Variants in NDUFAF6 observed in about 807,000 individuals in gnomAD.
The protein encoded by NDUFAF6 is NADH:ubiquinone oxidoreductase complex assembly factor 6.
Under a neutral mutation model 40.8 loss-of-function variants are expected in NDUFAF6, and 45 were observed. That is an observed-to-expected ratio of 1.10 (90% CI 0.87 to 1.42). NDUFAF6 has a LOEUF of 1.42. NDUFAF6 is among the 40% of genes most tolerant of loss of function. The pLI is 0.00. For synonymous variants in NDUFAF6, 185 were observed against 155.9 expected (o/e 1.19, Z -1.39); for missense variants, 435 against 418.5 (o/e 1.04, Z -0.34).
chr8:94,961,014 AT>A lies in NDUFAF6; in HGVS notation c.-199+2840del, dbSNP rs1323962107. Reference sequence around the variant, plus strand: ...AACTCTAAAAGGCCAGCACATAGACATTTTTCACCTTTTATTAATTATATGC... The same window carrying A: ...AACTCTAAAAGGCCAGCACATAGACATTTTCACCTTTTATTAATTATATGC... On this transcript the variant is annotated intron_variant, in intron 1 of 9. Coordinates refer to the NDUFAF6 transcript ENST00000396111. Among the ~76,000 whole-genome samples, 3 of 152,296 alleles carry A rather than the reference AT, an allele frequency of 2.0e-5. No homozygotes were observed. In the East Asian group the frequency reaches 5.8e-4, roughly 29 times the overall value.
At chr8:95,020,293 T>TA (rs1156687567), upstream of NDUFAF6, among the ~76,000 whole-genome samples, 1 of 152,218 alleles carries the variant, frequency 6.6e-6, no homozygotes, top group Non-Finnish European at 1.5e-5. Flanking sequence ...ATAGGTTCCT[T>TA]AAAATCAGAT....
At chr8:95,100,730 A>G (rs1157292346) in intron 1 of NDUFAF6, among the ~76,000 whole-genome samples, 2 of 152,198 alleles carry the variant, frequency 1.3e-5, no homozygotes, top group Non-Finnish European at 2.9e-5. Context: ...CAAAATATCC[A>G]TTGTGTCCAT....
intron 2 of NDUFAF6, among the ~76,000 whole-genome samples, chr8:94,998,223 A>G (rs1826545242): frequency 6.6e-6 from 1 of 152,220 alleles, no homozygotes; most frequent in South Asian, 2.1e-4. Context: ...AGGAATATTT[A>G]TTAATTAATT....
chr8:95,019,427 G>A (rs944758691), intron 2 of NDUFAF6, among the ~76,000 whole-genome samples: 1 of 152,234 alleles, frequency 6.6e-6, no homozygotes, highest in African/African-American at 2.4e-5. Context: ...ACTATGACAA[G>A]TCTTGTCTGT....
downstream of NDUFAF6, among the ~76,000 whole-genome samples, chr8:95,081,009 A>G (rs1355324969): frequency 6.6e-6 from 1 of 152,036 alleles, no homozygotes; most frequent in Non-Finnish European, 1.5e-5. Flanking sequence ...CAGCTTCTTC[A>G]TGTATCCTTT....
chr8:95,054,748 T>TC (rs1831914496), intron 8 of NDUFAF6, among the ~76,000 whole-genome samples: 1 of 152,204 alleles, frequency 6.6e-6, no homozygotes, highest in South Asian at 2.1e-4. Context: ...GCTCTCAGTT[T>TC]CTGTCCTGTG....
At chr8:95,022,680 C>A (rs1018669525), upstream of NDUFAF6, among the ~76,000 whole-genome samples, 1 of 150,738 alleles carries the variant, frequency 6.6e-6, no homozygotes, top group Admixed American at 6.6e-5. Context: ...ATTCTTTTAA[C>A]ACATTTAAAA....
intron 4 of NDUFAF6, among the ~76,000 whole-genome samples, chr8:95,114,506 T>C (rs1220608726): frequency 6.6e-6 from 1 of 152,258 alleles, no homozygotes. Context: ...TCACAGGAAC[T>C]TTTAAATAAC....
At chr8:94,977,719 G>C (rs1292221085) in intron 1 of NDUFAF6, among the ~76,000 whole-genome samples, 2 of 152,012 alleles carry the variant, frequency 1.3e-5, no homozygotes, top group Admixed American at 6.6e-5. Flanking sequence ...GTGGCCTTCT[G>C]TGGGGGTCTC....
intron 1 of NDUFAF6, among the ~76,000 whole-genome samples, chr8:94,902,229 G>T (rs995736108): frequency 6.9e-6 from 1 of 145,194 alleles, no homozygotes; most frequent in African/African-American, 2.6e-5. Flanking sequence ...AACCAGCCTG[G>T]CCAACATGAT....
chr8:94,974,006 G>A (rs1021151758), intron 1 of NDUFAF6, among the ~76,000 whole-genome samples: 1 of 152,102 alleles, frequency 6.6e-6, no homozygotes, highest in Non-Finnish European at 1.5e-5. Context: ...ACTAAGATAA[G>A]GGTGTTCATG....
At chr8:94,901,097 C>G (rs775221369) in intron 1 of NDUFAF6, among the ~76,000 whole-genome samples, 1 of 152,042 alleles carries the variant, frequency 6.6e-6, no homozygotes, top group Non-Finnish European at 1.5e-5. Context: ...GAGCAGAGAA[C>G]TATGAAGAGA....
intron 1 of NDUFAF6, among the ~76,000 whole-genome samples, chr8:95,031,098 G>C (rs1002616733): frequency 2.0e-5 from 3 of 152,184 alleles, no homozygotes; most frequent in African/African-American, 7.2e-5. Flanking sequence ...ACATTGTGGG[G>C]GTCACATTTC....
chr8:94,930,139 G>T (rs1820248862), intron 1 of NDUFAF6: 1 of 227,936 alleles, frequency 4.4e-6, no homozygotes, highest in Non-Finnish European at 8.7e-6. Flanking sequence ...AAATGAAAAT[G>T]AAAGATGCCT....
chr8:95,039,114 C>G (rs1296465074), intron 3 of NDUFAF6, among the ~76,000 whole-genome samples: 1 of 151,440 alleles, frequency 6.6e-6, no homozygotes, highest in East Asian at 2.0e-4. Context: ...GTAGCCGGGA[C>G]TACAGTTACC....
intron 1 of NDUFAF6, among the ~76,000 whole-genome samples, chr8:94,918,853 C>A (rs1422422420): frequency 1.3e-5 from 2 of 152,166 alleles, no homozygotes; most frequent in African/African-American, 4.8e-5. Context: ...CCAACTGATA[C>A]AATTCATTTC....
At chr8:94,997,168 G>A (rs1316363707) in intron 2 of NDUFAF6, among the ~76,000 whole-genome samples, 1 of 152,180 alleles carries the variant, frequency 6.6e-6, no homozygotes, top group African/African-American at 2.4e-5. Context: ...CGTGACAGAT[G>A]TGGTAGAATG....
chr8:94,922,034 A>G (rs953382099), intron 1 of NDUFAF6, among the ~76,000 whole-genome samples: 2 of 151,936 alleles, frequency 1.3e-5, no homozygotes, highest in African/African-American at 4.8e-5. Flanking sequence ...ACGGAGTCTC[A>G]CTCTGTCACC....
chr8:95,090,560 G>C (rs1809214928), intron 2 of NDUFAF6, among the ~76,000 whole-genome samples: 1 of 152,080 alleles, frequency 6.6e-6, no homozygotes, highest in South Asian at 2.1e-4. Flanking sequence ...GTTGAGTCAT[G>C]GTTCGCCCAT....
Sources: gnomAD v4.1 joint callset for allele counts (sites outside exome capture counted in the v4.1 genomes callset) on GRCh38, gnomAD v4.1.1 for gene constraint, MANE v1.5 for transcripts, NCBI Gene and HGNC (gene_info 2026-07-23, HGNC 2026-07-21) for gene names.